Variants in GALNTL6 observed in about 807,000 individuals in gnomAD.
The protein encoded by GALNTL6 is polypeptide N-acetylgalactosaminyltransferase-like 6.
In GALNTL6, 46 loss-of-function variants were observed where a neutral mutation model predicts 73.7. The ratio of observed to expected loss-of-function variants is 0.62; its 90% CI spans 0.49 to 0.80. GALNTL6 has a LOEUF of 0.80. GALNTL6 is among the 30% of genes least tolerant of loss of function. The pLI, the probability that GALNTL6 is intolerant of heterozygous loss-of-function variation, is 0.00. For synonymous variants in GALNTL6, 259 were observed against 263.7 expected, an observed-to-expected ratio of 0.98 and a Z score of 0.17; for missense variants, 604 against 755.0, an observed-to-expected ratio of 0.80 and a Z score of 2.34.
At chr4:172,731,879 G>A (rs1736170457) in intron 5 of GALNTL6, among the ~76,000 whole-genome samples, 1 of 151,864 alleles carries the variant, frequency 6.6e-6, no homozygotes, top group African/African-American at 2.4e-5. Flanking sequence ...ATTTCTAGTT[G>A]TATTTCATAT....
chr4:172,249,539 C>T (rs184155712), intron 3 of GALNTL6, among the ~76,000 whole-genome samples: 5 of 152,264 alleles, frequency 3.3e-5, no homozygotes, highest in East Asian at 1.9e-4. Flanking sequence ...GAGACCTTCA[C>T]GGCAACCCCT....
chr4:172,662,393 A>C (rs1263741344), intron 5 of GALNTL6, among the ~76,000 whole-genome samples: 1 of 152,196 alleles, frequency 6.6e-6, no homozygotes, highest in Non-Finnish European at 1.5e-5. Flanking sequence ...TGGCTAGGTG[A>C]ATATGATCAG....
intron 2 of GALNTL6, among the ~76,000 whole-genome samples, chr4:171,994,552 A>G (rs1740431134): frequency 6.6e-6 from 1 of 152,006 alleles, no homozygotes. Context: ...ATGAAGGACT[A>G]CACACTGGGT....
chr4:171,866,209 G>A (rs943680068), intron 2 of GALNTL6, among the ~76,000 whole-genome samples: 6 of 152,016 alleles, frequency 3.9e-5, no homozygotes, highest in Admixed American at 3.9e-4. Context: ...ACAATATACT[G>A]TATTATATAA....
intron 5 of GALNTL6, among the ~76,000 whole-genome samples, chr4:172,553,778 C>G (rs972296345): frequency 6.6e-6 from 1 of 151,926 alleles, no homozygotes; most frequent in South Asian, 2.1e-4. Flanking sequence ...AAATTTTGGC[C>G]GGCCACAGGG....
At chr4:172,017,583 G>T (rs1393381339) in intron 2 of GALNTL6, among the ~76,000 whole-genome samples, 1 of 152,074 alleles carries the variant, frequency 6.6e-6, no homozygotes, top group Non-Finnish European at 1.5e-5. Context: ...GGGTACCGGT[G>T]CAGACGTTCC....
intron 5 of GALNTL6, among the ~76,000 whole-genome samples, chr4:172,744,093 G>A (rs1248625811): frequency 6.6e-6 from 1 of 151,990 alleles, no homozygotes; most frequent in Admixed American, 6.6e-5. Flanking sequence ...GAAAGTCAAT[G>A]TAGAGATTCT....
chr4:172,988,185 T>C (rs1482234356), intron 10 of GALNTL6, among the ~76,000 whole-genome samples: 2 of 152,164 alleles, frequency 1.3e-5, no homozygotes, highest in African/African-American at 2.4e-5. Context: ...AATAGTAATA[T>C]GGACAATGAA....
chr4:171,926,213 A>G (rs961406981), intron 2 of GALNTL6, among the ~76,000 whole-genome samples: 3 of 152,132 alleles, frequency 2.0e-5, no homozygotes, highest in Admixed American at 2.0e-4. Context: ...TATCAAACAT[A>G]CTTATTTCAT....
chr4:172,429,477 T>A (rs911594207), intron 5 of GALNTL6, among the ~76,000 whole-genome samples: 1 of 152,178 alleles, frequency 6.6e-6, no homozygotes, highest in Admixed American at 6.5e-5. Context: ...CCCGAAGTGC[T>A]GGGATTACAA....
At chr4:171,912,542 C>A (rs1737506103) in intron 2 of GALNTL6, among the ~76,000 whole-genome samples, 1 of 152,102 alleles carries the variant, frequency 6.6e-6, no homozygotes, top group African/African-American at 2.4e-5. Flanking sequence ...TGTATCTTTT[C>A]TTTGTGTTGG....
chr4:172,857,438 G>C (rs898565475), intron 7 of GALNTL6, among the ~76,000 whole-genome samples: 1 of 152,106 alleles, frequency 6.6e-6, no homozygotes, highest in African/African-American at 2.4e-5. Flanking sequence ...AGACACGTTG[G>C]AAAGATCCTG....
chr4:172,736,527 T>C (rs2111404963), intron 5 of GALNTL6, among the ~76,000 whole-genome samples: 1 of 152,316 alleles, frequency 6.6e-6, no homozygotes, highest in South Asian at 2.1e-4. Flanking sequence ...AAACAATTTG[T>C]GCAGATAACG....
chr4:172,279,719 C>G (rs1738974338), intron 3 of GALNTL6, among the ~76,000 whole-genome samples: 1 of 152,068 alleles, frequency 6.6e-6, no homozygotes, highest in Non-Finnish European at 1.5e-5. Flanking sequence ...AACAATTCCA[C>G]TTCTGAATAT....
intron 2 of GALNTL6, among the ~76,000 whole-genome samples, chr4:171,902,615 A>G (rs1198032089): frequency 6.6e-6 from 1 of 152,242 alleles, no homozygotes; most frequent in Non-Finnish European, 1.5e-5. Flanking sequence ...GGAGTAGAGA[A>G]GTTATCAGTG....
chr4:172,855,178 T>C (rs1309668704), intron 7 of GALNTL6, among the ~76,000 whole-genome samples: 7 of 133,896 alleles, frequency 5.2e-5, no homozygotes, highest in African/African-American at 2.0e-4. Context: ...CTAGTCAGGA[T>C]CCTGAGAACT....
intron 5 of GALNTL6, among the ~76,000 whole-genome samples, chr4:172,525,454 A>G (rs997244135): frequency 6.6e-6 from 1 of 152,104 alleles, no homozygotes; most frequent in African/African-American, 2.4e-5. Context: ...TGGTATTATA[A>G]ATGGCGTGGT....
At chr4:172,426,364 A>G (rs147404660) in intron 5 of GALNTL6, among the ~76,000 whole-genome samples, 107 of 152,268 alleles carry the variant, frequency 7.0e-4, no homozygotes, top group African/African-American at 2.5e-3. Context: ...AATAACAATA[A>G]ATAGTAAAAC....
chr4:172,609,623 C>CTATG (rs1414167008), intron 5 of GALNTL6, among the ~76,000 whole-genome samples: 1 of 92,594 alleles, frequency 1.1e-5, no homozygotes, highest in Non-Finnish European at 2.0e-5. Context: ...CTCTCTCTCT[C>CTATG]TCTGTGTGTG....
Sources: allele counts gnomAD v4.1 joint callset (sites outside exome capture counted in the v4.1 genomes callset), GRCh38; gene constraint gnomAD v4.1.1; transcripts MANE v1.5; gene names NCBI Gene and HGNC (gene_info 2026-07-23, HGNC 2026-07-21).